The following SEZ6L2 variants were observed in gnomAD, a reference collection of about 807,000 sequenced individuals.
SEZ6L2 encodes seizure 6-like protein 2.
A neutral mutation model predicts 97.0 loss-of-function variants in SEZ6L2; 44 were observed. That is an observed-to-expected ratio of 0.45 (90% CI 0.36 to 0.58). SEZ6L2 has a LOEUF of 0.58. SEZ6L2 is among the 20% of genes least tolerant of loss of function. The pLI, the probability that SEZ6L2 is intolerant of heterozygous loss-of-function variation, is 0.00. For missense variants in SEZ6L2, 1,086 were observed against 1,233.3 expected, an observed-to-expected ratio of 0.88 and a Z score of 1.79; for synonymous variants, 543 against 546.1, an observed-to-expected ratio of 0.99 and a Z score of 0.08.
intron 16 of SEZ6L2, 21 bp from the exon 17 acceptor site, chr16:29,872,304 A>G (rs770239571): frequency 1.2e-6 from 2 of 1,606,202 alleles, no homozygotes; most frequent in South Asian, 2.2e-5. Context: ...GAGAGGACAG[A>G]GGAGCTTATC....
chr16:29,893,561 C>T (rs1567425983), intron 5 of SEZ6L2, among the ~76,000 whole-genome samples: 1 of 150,582 alleles, frequency 6.6e-6, no homozygotes, highest in Non-Finnish European at 1.5e-5. Flanking sequence ...ACAGGAGAAT[C>T]ATCTGAAGCT....
chr16:29,871,813 G>A, intron 17 of SEZ6L2, 85 bp from the exon 18 acceptor site: 3 of 1,260,300 alleles, frequency 2.4e-6, no homozygotes, highest in Non-Finnish European at 3.4e-6. Flanking sequence ...AACGATCCTG[G>A]GTTTTAAAGT....
intron 17 of SEZ6L2, 123 bp from the exon 18 acceptor site, chr16:29,871,851 C>T: frequency 1.2e-6 from 1 of 852,912 alleles, no homozygotes; most frequent in Admixed American, 2.0e-5. Flanking sequence ...GCTGGGGGGC[C>T]AGTGAATGTG....
At chr16:29,889,291 T>TGGTGGTGGGTGGTGGTG (rs2068217990) in intron 5 of SEZ6L2, among the ~76,000 whole-genome samples, 1 of 152,006 alleles carries the variant, frequency 6.6e-6, no homozygotes, top group African/African-American at 2.4e-5. Context: ...ATACGAAAAT[T>TGGTGGTGGGTGGTGGTG]AGCCAGGCGT....
intron 5 of SEZ6L2, among the ~76,000 whole-genome samples, chr16:29,894,561 T>C (rs13332660): frequency 0.84 from 126,960 of 151,902 alleles, 54,066 homozygotes; most frequent in African/African-American, 0.97. Context: ...CTGGTGTTTC[T>C]GCCATCATAT....
At chr16:29,872,103 A>C in intron 17 of SEZ6L2, 84 bp downstream of exon 17, 28 of 1,136,490 alleles carry the variant, frequency 2.5e-5, no homozygotes, top group Non-Finnish European at 3.4e-5. Context: ...TTCCCAAGAC[A>C]GAGATTCCAG....
chr16:29,889,965 T>C (rs2068236035), intron 5 of SEZ6L2, among the ~76,000 whole-genome samples: 2 of 151,374 alleles, frequency 1.3e-5, no homozygotes, highest in African/African-American at 4.9e-5. Flanking sequence ...CTGGAGTGCA[T>C]TGGCGCAATC....
intron 8 of SEZ6L2, among the ~76,000 whole-genome samples, chr16:29,880,274 T>TG (rs1448714630): frequency 6.6e-6 from 1 of 151,718 alleles, no homozygotes; most frequent in East Asian, 1.9e-4. Context: ...GCAATTCTCA[T>TG]GCCTCAGCCT....
chr16:29,898,224 T>C (rs2068449381), intron 1 of SEZ6L2, among the ~76,000 whole-genome samples: 1 of 152,080 alleles, frequency 6.6e-6, no homozygotes, highest in Non-Finnish European at 1.5e-5. Flanking sequence ...TGGGCCTTCA[T>C]TGAACACCTT....
chr16:29,884,592 A>AAAAT (rs922257101), intron 8 of SEZ6L2, among the ~76,000 whole-genome samples: 4 of 151,644 alleles, frequency 2.6e-5, no homozygotes, highest in Admixed American at 6.6e-5. Flanking sequence ...ACTCTGTCTC[A>AAAAT]AAATAAATAA....
At position 29,879,885 on chromosome 16, in the gene SEZ6L2, C is replaced by T. The variant is rs113753753; in HGVS notation, c.1552G>A (p.Asp518Asn). ...CVDPTEPHWN[D>N]TEPACKAMCG... ...TCACCTTTGCAGGCCGGCTCTGTGT[C>T]GTTCCAGTGGGGTTCTGTGGGATCC... The change falls in exon 9 of 18, where the codon GAC becomes AAC. Residue 518 changes from aspartate (D) to asparagine (N), a missense_variant. By Grantham distance (23) the Asp-to-Asn change is conservative. Around this residue, in one of 2 missense-constraint regions of SEZ6L2, gnomAD observed 776 missense variants for 794.7 expected, o/e 0.98. Coordinates refer to ENST00000617533, the MANE Select transcript of SEZ6L2 (RefSeq NM_001243332.2). 38,514 of 1,608,860 alleles carry T rather than the reference C, an allele frequency of 0.024. 573 individuals are homozygous for T. The highest frequency in any genetic ancestry group is 0.029 in the Non-Finnish European group (33,996 of 1,176,258).
intron 8 of SEZ6L2, among the ~76,000 whole-genome samples, chr16:29,881,474 T>C (rs1399210417): frequency 6.6e-6 from 1 of 152,140 alleles, no homozygotes; most frequent in Admixed American, 6.6e-5. Context: ...AAATTTCAGC[T>C]AATGCAAAAA....
chr16:29,881,026 G>A (rs576249851), intron 8 of SEZ6L2, among the ~76,000 whole-genome samples: 3 of 151,118 alleles, frequency 2.0e-5, no homozygotes, highest in South Asian at 2.1e-4. Context: ...CGCTGGCCTC[G>A]GCCTCCCAAA....
chr16:29,875,342 C>T (rs1186931674), intron 12 of SEZ6L2, among the ~76,000 whole-genome samples: 1 of 152,180 alleles, frequency 6.6e-6, no homozygotes, highest in Non-Finnish European at 1.5e-5. Context: ...TGGACAGGGA[C>T]TCAGATATGT....
chr16:29,877,251 G>T lies in SEZ6L2; in HGVS notation c.1909+20C>A. On this transcript the variant is annotated intron_variant, in intron 11 of 17. Coordinates refer to ENST00000617533, the MANE Select transcript of SEZ6L2 (RefSeq NM_001243332.2). ...GGCCTGCCCGACCCCTGCCCATCCC[G>T]GGACTCTATCCCTCAGTACCTTTGA... is the stretch of plus-strand genomic sequence containing the variant. 6.5e-7 allele frequency: 1 copy of T among 1,532,786 alleles called. No homozygotes were observed. 94.9% of individuals were successfully genotyped at this position (1,532,786 alleles called of 1,614,324 possible).
Position 29,896,853 on chromosome 16 carries a change from C to T in SEZ6L2, c.480G>A (p.Thr160=), listed in dbSNP as rs562877735. 3.7e-6 allele frequency: 6 copies of T among 1,614,054 alleles called. No homozygotes were observed. Among genetic ancestry groups the T allele is most frequent in the South Asian group, 3.3e-5 (3 of 91,066 alleles). The change falls in exon 3 of 18, where the codon ACG becomes ACA. Residue 160 remains threonine (T), a synonymous_variant. Coordinates refer to ENST00000617533, the MANE Select transcript of SEZ6L2 (RefSeq NM_001243332.2). ...EEETTTTIIT[T]TTVTTTVTSP... ...TGGTCACCGTAGTGGTAACAGTTGT[C>T]GTGGTGATGATGGTGGTCGTCGTCT...
Position 29,885,608 on chromosome 16 carries a change from C to A in SEZ6L2, c.1350G>T (p.Leu450=). 1.2e-6 allele frequency: 2 copies of A among 1,613,844 alleles called. No individual in the cohort carries two copies. Residue 450 remains leucine (L), a synonymous_variant, in exon 8 of 18, where the codon CTG becomes CTT. Transcript: ENST00000617533. ...ELLSETPANP[L]LLSLRFEAFE... Reference sequence around the variant, plus strand: ...TACCTTCAAATCGAAGGCTTAACAGCAGGGGATTGGCAGGTGTCTCTGACA... The same window carrying A: ...TACCTTCAAATCGAAGGCTTAACAGAAGGGGATTGGCAGGTGTCTCTGACA...
chr16:29,881,826 TAC>T (rs1001604102), intron 8 of SEZ6L2, among the ~76,000 whole-genome samples: 7 of 146,786 alleles, frequency 4.8e-5, no homozygotes, highest in Non-Finnish European at 7.5e-5. Flanking sequence ...GATGGGGTTT[TAC>T]CATGTTGGCC....
In SEZ6L2 at chr16:29,871,742, G is replaced by A; in HGVS notation, c.2743-14C>T. 6.2e-7 allele frequency: 1 copy of A among 1,606,392 alleles called. No individual in the cohort carries two copies. The highest frequency in any genetic ancestry group is 8.5e-7 in the Non-Finnish European group (1 of 1,176,376). ...CTCCCGCGTATCCTGAAGACAGAGA[G>A]ATCAGGTCAGTTGTTGGAGTCTGAT... On this transcript the variant is annotated splice_polypyrimidine_tract_variant and intron_variant, in intron 17 of 17. Coordinates refer to ENST00000617533, the MANE Select transcript of SEZ6L2 (RefSeq NM_001243332.2).
Sources: allele counts gnomAD v4.1 joint callset (sites outside exome capture counted in the v4.1 genomes callset), GRCh38; gene constraint gnomAD v4.1.1; regional missense constraint gnomAD v4.1.1; transcripts MANE v1.5; gene names NCBI Gene and HGNC (gene_info 2026-07-23, HGNC 2026-07-21).